FAT3: variants seen among roughly 807,000 people sequenced by gnomAD.
The protein encoded by FAT3 is FAT atypical cadherin 3, also known as protocadherin Fat 3.
A neutral mutation model predicts 310.2 loss-of-function variants in FAT3; 95 were observed. That is an observed-to-expected ratio of 0.31 (90% CI 0.26 to 0.36). The LOEUF is 0.36. FAT3 is among the 10% of genes least tolerant of loss of function. The probability of loss-of-function intolerance (pLI) is 1.00; values close to 1 mark genes in which losing one functional copy is unlikely to be tolerated. For missense variants in FAT3, 5,408 were observed against 5,715.6 expected (o/e 0.95, Z 1.74); for synonymous variants, 2,314 against 2,192.9 (o/e 1.06, Z -1.54).
intron 2 of FAT3, among the ~76,000 whole-genome samples, chr11:92,433,020 C>G (rs1206105003): frequency 6.6e-6 from 1 of 152,194 alleles, no homozygotes; most frequent in Non-Finnish European, 1.5e-5. Flanking sequence ...TTTGCAGCAG[C>G]TTTATTTACA....
intron 22 of FAT3, among the ~76,000 whole-genome samples, chr11:92,876,525 T>G (rs1481386195): frequency 6.6e-6 from 1 of 152,208 alleles, no homozygotes; most frequent in Non-Finnish European, 1.5e-5. Context: ...TAGGAGCTCC[T>G]TGGTCTTTCC....
chr11:92,546,553 T>C (rs989446201), intron 3 of FAT3, among the ~76,000 whole-genome samples: 12 of 152,228 alleles, frequency 7.9e-5, no homozygotes, highest in African/African-American at 2.9e-4. Context: ...TGCTGGTGTT[T>C]TCTGATCTTA....
chr11:92,716,056 G>C (rs1052672001), intron 4 of FAT3, among the ~76,000 whole-genome samples: 1 of 152,184 alleles, frequency 6.6e-6, no homozygotes, highest in Non-Finnish European at 1.5e-5. Context: ...GTTTATCTGG[G>C]AAAAGAGGAC....
chr11:92,726,557 A>G (rs1189836892), intron 4 of FAT3, among the ~76,000 whole-genome samples: 1 of 152,134 alleles, frequency 6.6e-6, no homozygotes, highest in Non-Finnish European at 1.5e-5. Context: ...GACATTCAGA[A>G]GATGGAAAGA....
At chr11:92,304,468 T>C (rs1250190795) in intron 1 of FAT3, among the ~76,000 whole-genome samples, 6 of 152,122 alleles carry the variant, frequency 3.9e-5, no homozygotes, top group Non-Finnish European at 5.9e-5. Context: ...TCATCTCCTC[T>C]GGAATGAATA....
At chr11:92,403,135 A>G (rs1950059467) in intron 2 of FAT3, 1 of 152,318 alleles carries the variant, frequency 6.6e-6, no homozygotes, top group Non-Finnish European at 1.5e-5. Flanking sequence ...CCTCTCCACC[A>G]TTCTGTCTCC....
At chr11:92,662,496 C>T (rs1432796102) in intron 3 of FAT3, among the ~76,000 whole-genome samples, 1 of 152,190 alleles carries the variant, frequency 6.6e-6, no homozygotes, top group Non-Finnish European at 1.5e-5. Context: ...ACTGAGGTTA[C>T]AGCCTGGATT....
chr11:92,757,837 A>G (rs2136073403), intron 4 of FAT3, among the ~76,000 whole-genome samples: 1 of 152,316 alleles, frequency 6.6e-6, no homozygotes, highest in South Asian at 2.1e-4. Flanking sequence ...ATGGGAATAA[A>G]TCATTTCAGG....
chr11:92,601,913 G>A (rs556123451), intron 3 of FAT3, among the ~76,000 whole-genome samples: 8 of 151,948 alleles, frequency 5.3e-5, no homozygotes, highest in South Asian at 2.1e-4. Context: ...ATTTACTGCC[G>A]TGTGCCTTTT....
At chr11:92,231,955 T>C (rs563139707) in intron 1 of FAT3, among the ~76,000 whole-genome samples, 18 of 152,168 alleles carry the variant, frequency 1.2e-4, no homozygotes, top group Non-Finnish European at 2.5e-4. Context: ...ATTTTTTAAG[T>C]CTATGTGATC....
rs2136348336 is a variant in FAT3 at position 92,866,857 on chromosome 11, C to G, written c.11775C>G (p.Asn3925Lys). Residue 3925 changes from asparagine (N) to lysine (K), a missense_variant, in exon 22 of 28, where the codon AAC (asparagine) becomes AAG (lysine). Asn to Lys is a moderately conservative substitution (Grantham distance 94). Around this residue, in one of 5 missense-constraint regions of FAT3, gnomAD observed 4,588 missense variants for 4,809.8 expected, o/e 0.95. Transcript: ENST00000525166. Reference sequence around the variant, plus strand: ...GGCACTCGGTCTTCCTGGAGCTCAACCGCAATTTCACGAGCCTGTCCCTGG... The same window carrying G: ...GGCACTCGGTCTTCCTGGAGCTCAAGCGCAATTTCACGAGCCTGTCCCTGG... Reference protein sequence around the residue: ...GSWHSVFLELNRNFTSLSLDD... With the variant: ...GSWHSVFLELKRNFTSLSLDD... The G allele has an allele frequency of 6.2e-7, 1 of 1,613,952 alleles. No homozygotes were observed. The highest frequency in any genetic ancestry group is 2.2e-5 in the East Asian group (1 of 44,872).
Position 92,891,640 on chromosome 11 carries a change from A to T in FAT3, c.*527A>T. ...AAATGGGCTGAAGCCTTTTAAATCAACTCTATTTTTTTGATAAGCTGCCCA... is the reference window on the plus strand; with the variant it reads ...AAATGGGCTGAAGCCTTTTAAATCATCTCTATTTTTTTGATAAGCTGCCCA... On this transcript the variant is annotated 3_prime_UTR_variant, in exon 28 of 28. Transcript: ENST00000525166. 2 of 159,620 alleles carry T rather than the reference A, an allele frequency of 1.3e-5. No homozygotes were observed. The highest frequency in any genetic ancestry group is 1.8e-4 in the East Asian group (1 of 5,704). The allele number at this position is 159,620 out of a possible 1,614,324, so 9.9% of individuals were successfully genotyped here.
rs1201591730 is a variant in FAT3 at position 92,301,368 on chromosome 11, T to C, written c.-17-50728T>C. Among the ~76,000 whole-genome samples, 4 of 152,106 alleles carry C rather than the reference T, an allele frequency of 2.6e-5. No homozygotes were observed. The East Asian group carries it at 7.7e-4, about 29-fold the overall frequency. On this transcript the variant is annotated intron_variant, in intron 1 of 27. Coordinates refer to ENST00000525166, the MANE Select transcript of FAT3 (RefSeq NM_001367949.2). ...AGCCCTAGAGCTTCCACCACTTGAG[T>C]GCAGAGGGCCCTGCTCACTGGGATG...
chr11:92,781,670 C>T (rs1457772244), intron 7 of FAT3, among the ~76,000 whole-genome samples: 1 of 152,168 alleles, frequency 6.6e-6, no homozygotes, highest in East Asian at 1.9e-4. Context: ...TAACCAACTG[C>T]TGTCTGTGTA....
chr11:92,773,912 A>C (rs1299928881), intron 6 of FAT3, 129 bp from the exon 7 acceptor site: 3 of 863,914 alleles, frequency 3.5e-6, no homozygotes, highest in Admixed American at 2.8e-5. Context: ...TTTAAGATGT[A>C]CAAAATTGAG....
intron 3 of FAT3, among the ~76,000 whole-genome samples, chr11:92,558,278 G>T (rs1401883007): frequency 6.6e-6 from 1 of 150,648 alleles, no homozygotes; most frequent in African/African-American, 2.4e-5. Context: ...TAGGTAAGAG[G>T]GAATTTTCCA....
rs766505847 is a variant in FAT3, at chr11:92,831,816, G to A, written c.9676G>A (p.Val3226Ile). Reference protein sequence around the residue: ...LSSLTTVTITVLDINDNPPVF... With the variant: ...LSSLTTVTITILDINDNPPVF... ...CTCTCTCACTACTGTCACCATCACCGTTCTGGACATTAATGACAACCCCCC... is the reference window on the plus strand; with the variant it reads ...CTCTCTCACTACTGTCACCATCACCATTCTGGACATTAATGACAACCCCCC... The change falls in exon 14 of 28, where the codon GTT (valine) becomes ATT (isoleucine). Residue 3226 changes from valine (V) to isoleucine (I), a missense_variant. Val to Ile is a conservative substitution (Grantham distance 29, BLOSUM62 3). Around this residue, in one of 5 missense-constraint regions of FAT3, gnomAD observed 4,588 missense variants for 4,809.8 expected, o/e 0.95. Coordinates refer to ENST00000525166, the MANE Select transcript of FAT3 (RefSeq NM_001367949.2). 33 of 1,613,416 alleles carry A rather than the reference G, an allele frequency of 2.0e-5. No individual in the cohort carries two copies. Among genetic ancestry groups the A allele is most frequent in the African/African-American group, 2.7e-5 (2 of 74,888 alleles).
At position 92,895,540 on chromosome 11, in the gene FAT3, T is replaced by C. The variant is rs1405455361; in HGVS notation, c.*4427T>C. 4 of 152,198 alleles carry C rather than the reference T, an allele frequency of 2.6e-5. No homozygotes were observed. 9.4% of individuals were successfully genotyped at this position (152,198 alleles called of 1,614,324 possible). ...ATGCACTTGAGAATCGTAGAGTCAT[T>C]TGGAGCGTGTTTGGACCAATTAGTA... On this transcript the variant is annotated 3_prime_UTR_variant, in exon 28 of 28. Coordinates refer to ENST00000525166, the MANE Select transcript of FAT3 (RefSeq NM_001367949.2).
At chr11:92,529,534 T>C (rs1210507434) in intron 3 of FAT3, among the ~76,000 whole-genome samples, 1 of 152,204 alleles carries the variant, frequency 6.6e-6, no homozygotes, top group African/African-American at 2.4e-5. Flanking sequence ...GCCTTGTTTT[T>C]TTTGTTTTGT....
Sources: gnomAD v4.1 joint callset for allele counts (sites outside exome capture counted in the v4.1 genomes callset) on GRCh38, gnomAD v4.1.1 for gene constraint, gnomAD v4.1.1 regional missense constraint, MANE v1.5 for transcripts, NCBI Gene and HGNC (gene_info 2026-07-23, HGNC 2026-07-21) for gene names.